Variants in TDRD12 observed in about 807,000 individuals in gnomAD.
The protein encoded by TDRD12 is tudor domain containing 12.
Under a neutral mutation model 133.5 loss-of-function variants are expected in TDRD12, and 158 were observed. The ratio of observed to expected loss-of-function variants is 1.18; its 90% CI spans 1.04 to 1.35. The LOEUF (loss-of-function observed/expected upper bound fraction) is 1.35, where lower values mean the gene tolerates loss of function less well. Ranked by LOEUF, TDRD12 falls within the 40% of genes most tolerant of loss-of-function variation. TDRD12 has a pLI of 0.00. For synonymous variants in TDRD12, 460 were observed against 477.9 expected, an observed-to-expected ratio of 0.96 and a Z score of 0.49; for missense variants, 1,443 against 1,321.3, an observed-to-expected ratio of 1.09 and a Z score of -1.43.
downstream of TDRD12, among the ~76,000 whole-genome samples, chr19:32,825,934 T>A (rs183314353): frequency 1.3e-5 from 2 of 152,352 alleles, no homozygotes; most frequent in East Asian, 3.9e-4. The surrounding 1 kb of genome is among the most constrained non-coding windows in gnomAD (Gnocchi z 4.1). Flanking sequence ...TAATTTTTTC[T>A]AACTGTTCTT....
intron 20 of TDRD12, 64 bp from the exon 21 acceptor site, chr19:32,802,858 A>C: frequency 6.5e-7 from 1 of 1,530,016 alleles, no homozygotes; most frequent in Non-Finnish European, 8.8e-7. Context: ...CTCAGAGTCC[A>C]CAAGGTTTCC....
At chr19:32,790,386 A>G in intron 11 of TDRD12, 145 bp from the exon 12 acceptor site, 1 of 791,232 alleles carries the variant, frequency 1.3e-6, no homozygotes, top group Non-Finnish European at 2.0e-6. Context: ...TCATAAACCA[A>G]GCAGAACAGA....
chr19:32,790,499 T>C, intron 11 of TDRD12, 32 bp from the exon 12 acceptor site: 1 of 1,543,298 alleles, frequency 6.5e-7, no homozygotes, highest in Middle Eastern at 1.9e-4. Context: ...AAACACCTTT[T>C]TCTTCACATT....
At chr19:32,782,648 T>G (rs1383993974) in intron 11 of TDRD12, among the ~76,000 whole-genome samples, 1 of 152,238 alleles carries the variant, frequency 6.6e-6, no homozygotes, top group African/African-American at 2.4e-5. Flanking sequence ...GACTTTTTAA[T>G]GATCGCCATT....
intron 6 of TDRD12, 34 bp downstream of exon 6, chr19:32,749,903 A>G: frequency 7.1e-7 from 1 of 1,404,722 alleles, no homozygotes; most frequent in Non-Finnish European, 9.7e-7. Context: ...ATAATATTTC[A>G]TCATTTTAAA....
intron 12 of TDRD12, 148 bp downstream of exon 12, chr19:32,790,739 A>G: frequency 6.5e-7 from 1 of 1,534,446 alleles, no homozygotes; most frequent in Middle Eastern, 1.7e-4. Context: ...TTTAGAAACG[A>G]TCGAATGGAT....
intron 5 of TDRD12, 143 bp downstream of exon 5, chr19:32,748,674 C>A: frequency 1.4e-6 from 1 of 704,990 alleles, no homozygotes; most frequent in Non-Finnish European, 2.3e-6. Flanking sequence ...CTGGGGCTTC[C>A]TCCAGCTCAA....
exon 26 of TDRD12, chr19:32,815,606 C>T: frequency 2.0e-6 from 3 of 1,534,448 alleles, no homozygotes; most frequent in Non-Finnish European, 2.6e-6. Context: ...GTGAAGAAAG[C>T]CTAAGCCAGA....
chr19:32,785,600 C>A (rs4805010), intron 11 of TDRD12, among the ~76,000 whole-genome samples: 76,286 of 151,906 alleles, frequency 0.5, 19,250 homozygotes, highest in East Asian at 0.59. Context: ...GAGTCTAGAT[C>A]TCTTTGTAGG....
chr19:32,826,046 T>TG, downstream of TDRD12: 1 of 1,354,786 alleles, frequency 7.4e-7, no homozygotes, highest in South Asian at 1.3e-5. Flanking sequence ...GTGTACATGA[T>TG]GGAGTTACAT....
At chr19:32,759,008 G>A (rs10405092) in intron 8 of TDRD12, among the ~76,000 whole-genome samples, 33 of 151,190 alleles carry the variant, frequency 2.2e-4, no homozygotes, top group African/African-American at 4.1e-4. Flanking sequence ...TTGGGAGACC[G>A]ACACAGGTGG....
At chr19:32,728,645 C>CT (rs61327045) in intron 1 of TDRD12, among the ~76,000 whole-genome samples, 34,305 of 129,064 alleles carry the variant, frequency 0.27, 4,947 homozygotes, top group Middle Eastern at 0.3. Context: ...TTTTCTTTTC[C>CT]TTTTTTTTTT....
At chr19:32,827,372 C>CTTTATT in exon 10 of TDRD12, 1 of 120,308 alleles carries the variant, frequency 8.3e-6, no homozygotes, top group Non-Finnish European at 1.3e-5. Context: ...CTTTTCTTTT[C>CTTTATT]TTTTTTTTTT....
chr19:32,764,101 A>ATTTT (rs764881651), intron 8 of TDRD12, among the ~76,000 whole-genome samples: 3 of 92,798 alleles, frequency 3.2e-5, no homozygotes, highest in African/African-American at 9.1e-5. Context: ...TGTATTGTCC[A>ATTTT]TCTTTTTTTT....
intron 2 of TDRD12, among the ~76,000 whole-genome samples, chr19:32,734,016 C>A (rs1031027177): frequency 6.6e-6 from 1 of 151,748 alleles, no homozygotes; most frequent in East Asian, 1.9e-4. Flanking sequence ...CTTAGCCTCC[C>A]GAGTAGCTGG....
chr19:32,755,436 C>T (rs372295104), intron 6 of TDRD12, among the ~76,000 whole-genome samples: 2 of 152,326 alleles, frequency 1.3e-5, no homozygotes, highest in Non-Finnish European at 1.5e-5. Flanking sequence ...TTTAAATTTG[C>T]GTTTCCCTAA....
intron 1 of TDRD12, among the ~76,000 whole-genome samples, 155 bp from the exon 2 acceptor site, chr19:32,731,570 A>G (rs1969055159): frequency 6.6e-6 from 1 of 152,184 alleles, no homozygotes; most frequent in Non-Finnish European, 1.5e-5. Context: ...TGTGTTTTAG[A>G]ATTTTATCTT....
intron 2 of TDRD12, among the ~76,000 whole-genome samples, chr19:32,733,829 T>A (rs138909624): frequency 2.4e-4 from 37 of 152,170 alleles, no homozygotes; most frequent in Admixed American, 7.2e-4. Context: ...CTTAAGACTG[T>A]TTGATTACCC....
chr19:32,747,634 T>A (rs1969692127), intron 4 of TDRD12, among the ~76,000 whole-genome samples: 1 of 152,170 alleles, frequency 6.6e-6, no homozygotes, highest in South Asian at 2.1e-4. Context: ...ATAAGAAAGA[T>A]GTAGAAAGGA....
Sources: gnomAD v4.1 joint callset for allele counts (sites outside exome capture counted in the v4.1 genomes callset) on GRCh38, gnomAD v4.1.1 for gene constraint, Gnocchi (gnomAD v3.1) non-coding constraint, MANE v1.5 for transcripts, NCBI Gene and HGNC (gene_info 2026-07-23, HGNC 2026-07-21) for gene names.